CDC73: variants seen among roughly 807,000 people sequenced by gnomAD.
CDC73 encodes the protein parafibromin.
CDC73 carries 21 observed loss-of-function variants against 83.7 expected under a neutral mutation model. That is an observed-to-expected ratio of 0.25 (90% CI 0.18 to 0.36). CDC73 has a LOEUF of 0.36. Ranked by LOEUF, CDC73 falls within the 10% of genes least tolerant of loss-of-function variation. The probability of loss-of-function intolerance (pLI) is 1.00; values close to 1 mark genes in which losing one functional copy is unlikely to be tolerated. For synonymous variants in CDC73, 224 were observed against 212.9 expected (o/e 1.05, Z -0.45); for missense variants, 342 against 653.3 (o/e 0.52, Z 5.19).
At chr1:193,225,245 G>GATATATATATATATATATATATATAT (rs56261261) in intron 13 of CDC73, among the ~76,000 whole-genome samples, 16 of 143,602 alleles carry the variant, frequency 1.1e-4, no homozygotes, top group Non-Finnish European at 2.0e-4. Flanking sequence ...AGTATTCCAT[G>GATATATATATATATATATATATATAT]ATATATATAT....
chr1:193,180,206 A>AACTCATTT, intron 10 of CDC73: 1 of 1,215,572 alleles, frequency 8.2e-7, no homozygotes, highest in Non-Finnish European at 1.1e-6. Flanking sequence ...GTTTTAACTA[A>AACTCATTT]AACTTGTCCT....
chr1:193,179,106 C>G (rs1443847093), intron 10 of CDC73: 2 of 151,996 alleles, frequency 1.3e-5, no homozygotes, highest in Non-Finnish European at 1.5e-5. Context: ...ATACATTGTT[C>G]ATCCTAGAAT....
intron 15 of CDC73, among the ~76,000 whole-genome samples, chr1:193,247,776 T>G (rs183141295): frequency 3.9e-5 from 6 of 152,254 alleles, no homozygotes; most frequent in Admixed American, 3.9e-4. Flanking sequence ...AGCCTGATCC[T>G]GAGCAGTGCC....
At chr1:193,170,711 C>T (rs1020418306) in intron 10 of CDC73, among the ~76,000 whole-genome samples, 2 of 151,960 alleles carry the variant, frequency 1.3e-5, no homozygotes, top group Non-Finnish European at 2.9e-5. Context: ...AAAAATTTTC[C>T]CATATTTTGT....
chr1:193,237,798 A>G (rs1426107583), intron 15 of CDC73, among the ~76,000 whole-genome samples: 2 of 152,194 alleles, frequency 1.3e-5, no homozygotes, highest in African/African-American at 4.8e-5. Context: ...CTGCACGTCC[A>G]GGAAAAAACC....
chr1:193,231,282 A>G lies in CDC73; in HGVS notation c.1155-1711A>G, dbSNP rs548880084. On this transcript the variant is annotated intron_variant, in intron 13 of 16. Coordinates refer to ENST00000367435, the MANE Select transcript of CDC73 (RefSeq NM_024529.5). ...AGTCTTATATTTAACAACTTAAAAC[A>G]GTTTAAATCCCATGTAGTTATAGAC... Among the ~76,000 whole-genome samples the G allele has an allele frequency of 3.3e-5, 5 of 152,322 alleles. No individual in the cohort carries two copies. In the East Asian group the frequency reaches 9.6e-4, roughly 29 times the overall value.
chr1:193,182,108 G>A (rs1676727008), intron 10 of CDC73, among the ~76,000 whole-genome samples: 1 of 152,134 alleles, frequency 6.6e-6, no homozygotes, highest in Non-Finnish European at 1.5e-5. Flanking sequence ...ACAGTCAGAG[G>A]CCTTTTTTGT....
At chr1:193,229,924 T>G (rs1677632299) in intron 13 of CDC73, among the ~76,000 whole-genome samples, 1 of 152,194 alleles carries the variant, frequency 6.6e-6, no homozygotes, top group African/African-American at 2.4e-5. Context: ...GAAAGGTATA[T>G]AAGGAAACTT....
chr1:193,132,932 G>A (rs936792792), intron 3 of CDC73, among the ~76,000 whole-genome samples: 1 of 101,140 alleles, frequency 9.9e-6, no homozygotes, highest in Admixed American at 1.5e-4. Flanking sequence ...AAGGAATCTT[G>A]CTCTGTCGCC....
rs184119278 is a variant in CDC73 at position 193,251,438 on chromosome 1, G to A, written c.*726G>A. 4 of 232,028 alleles carry A rather than the reference G, an allele frequency of 1.7e-5. No individual in the cohort carries two copies. The highest frequency in any genetic ancestry group is 6.1e-5 in the East Asian group (1 of 16,360). 14.4% of individuals were successfully genotyped at this position (232,028 alleles called of 1,614,324 possible). On this transcript the variant is annotated 3_prime_UTR_variant, in exon 17 of 17. Coordinates refer to ENST00000367435, the MANE Select transcript of CDC73 (RefSeq NM_024529.5). Reference sequence around the variant, plus strand: ...CAGATTAAAACCACAATAGGCTGTAGTATTTTTTATTTTGGGAGCCAGAGT... The same window carrying A: ...CAGATTAAAACCACAATAGGCTGTAATATTTTTTATTTTGGGAGCCAGAGT...
Position 193,135,577 on chromosome 1 carries a change from A to T in CDC73, c.411A>T (p.Lys137Asn). 1.2e-6 allele frequency: 2 copies of T among 1,611,482 alleles called. No individual in the cohort carries two copies. The highest frequency in any genetic ancestry group is 1.7e-6 in the Non-Finnish European group (2 of 1,177,746). Residue 137 changes from lysine to asparagine, a missense_variant, in exon 5 of 17, where the codon AAA becomes AAT. Physicochemically the swap from Lys to Asn is moderately conservative, Grantham distance 94. This residue lies in a region of CDC73 where 99 missense variants were observed against 174.5 expected (regional missense o/e 0.57). Transcript: ENST00000367435. ...ATGAAGTTTTAGCAGAAGCAAAGAA[A>T]CCACGAATTGAGGTAAAGAAACTGT... is the stretch of plus-strand genomic sequence containing the variant. ...AADEVLAEAK[K>N]PRIEDEECVR...
chr1:193,216,828 G>T (rs751262686), intron 13 of CDC73, among the ~76,000 whole-genome samples: 87 of 152,220 alleles, frequency 5.7e-4, no homozygotes, highest in Admixed American at 2.5e-3. Context: ...CACATAAACA[G>T]AACTAAAAAA....
chr1:193,145,963 T>C (rs1018558356), intron 7 of CDC73, among the ~76,000 whole-genome samples: 3 of 152,164 alleles, frequency 2.0e-5, no homozygotes, highest in African/African-American at 7.2e-5. Flanking sequence ...ACGTACATTA[T>C]AGGGCAGACA....
intron 10 of CDC73, among the ~76,000 whole-genome samples, chr1:193,182,680 A>G (rs903539360): frequency 6.6e-6 from 1 of 152,152 alleles, no homozygotes; most frequent in Admixed American, 6.5e-5. Context: ...TCATGATGGC[A>G]TATATTAAGA....
At chr1:193,125,969 G>A (rs1675563680) in intron 2 of CDC73, among the ~76,000 whole-genome samples, 1 of 152,046 alleles carries the variant, frequency 6.6e-6, no homozygotes, top group Non-Finnish European at 1.5e-5. Flanking sequence ...AGTTTTAAAG[G>A]GATTTATAGA....
rs1675539837 is a variant in CDC73, at chr1:193,125,052, C to G, written c.132-60C>G. The G allele has an allele frequency of 8.1e-6, 7 of 861,872 alleles. No individual in the cohort carries two copies. In the East Asian group the frequency reaches 1.2e-4, roughly 15 times the overall value. The allele number at this position is 861,872 out of a possible 1,614,324, so 53.4% of individuals were successfully genotyped here. A position where few individuals can be genotyped will look rare whatever the true frequency, so the allele number is the denominator to read the frequency against. ...AGCAAAGTTGTTTATATAAATGAATCCAGCCTGAAGAGTTGAATTAGAATT... is the reference window on the plus strand; with the variant it reads ...AGCAAAGTTGTTTATATAAATGAATGCAGCCTGAAGAGTTGAATTAGAATT... On this transcript the variant is annotated intron_variant, in intron 1 of 16. Transcript: ENST00000367435.
chr1:193,125,298 G>C (rs1675545630), intron 2 of CDC73, 81 bp downstream of exon 2: 9 of 901,082 alleles, frequency 1.0e-5, no homozygotes, highest in Non-Finnish European at 1.6e-5. Context: ...TGGCCTTGTT[G>C]CCCGGGCTAG....
At chr1:193,154,315 A>G (rs1013808565) in intron 10 of CDC73, among the ~76,000 whole-genome samples, 2 of 152,186 alleles carry the variant, frequency 1.3e-5, no homozygotes, top group Non-Finnish European at 2.9e-5. Context: ...TGGTTTTATT[A>G]TCTGAGCTTC....
intron 10 of CDC73, among the ~76,000 whole-genome samples, chr1:193,156,064 A>G (rs1676202191): frequency 6.6e-6 from 1 of 152,248 alleles, no homozygotes; most frequent in Admixed American, 6.5e-5. Flanking sequence ...TGATAGGGTC[A>G]TATTAGACAA....
Sources: allele counts gnomAD v4.1 joint callset (sites outside exome capture counted in the v4.1 genomes callset), GRCh38; gene constraint gnomAD v4.1.1; regional missense constraint gnomAD v4.1.1; transcripts MANE v1.5; gene names NCBI Gene and HGNC (gene_info 2026-07-23, HGNC 2026-07-21).